Variants in USP40 observed in about 807,000 individuals in gnomAD.
USP40 encodes ubiquitin specific peptidase 40, also known as ubiquitin carboxyl-terminal hydrolase 40.
A neutral mutation model predicts 166.2 loss-of-function variants in USP40; 143 were observed. That is an observed-to-expected ratio of 0.86 (90% CI 0.75 to 0.99). The LOEUF is 0.99. Among genes scored for constraint, USP40 ranks in the 50% least tolerant of loss-of-function variants. USP40 has a pLI of 0.00. For synonymous variants in USP40, 498 were observed against 524.0 expected (o/e 0.95, Z 0.68); for missense variants, 1,444 against 1,479.7 (o/e 0.98, Z 0.40).
In USP40 at chr2:233,486,086, A is replaced by C. The variant is rs2064929854; in HGVS notation, c.3198-109T>G. ...TCCTCCAGCTTTTCTGGTTTTTATAAGGAGAGATTTTTCCCTAAATGCTGG... is the reference window on the plus strand; with the variant it reads ...TCCTCCAGCTTTTCTGGTTTTTATACGGAGAGATTTTTCCCTAAATGCTGG... On this transcript the variant is annotated intron_variant, in intron 28 of 31. Transcript: ENST00000678225. This position sits in a 1 kb window ranked among gnomAD's most constrained non-coding sequence, Gnocchi z 4.0. 4 of 1,249,246 alleles carry C rather than the reference A, an allele frequency of 3.2e-6. No homozygotes were observed. Among genetic ancestry groups the C allele is most frequent in the Non-Finnish European group, 4.4e-6 (4 of 916,446 alleles). 77.4% of individuals were successfully genotyped at this position (1,249,246 alleles called of 1,614,324 possible).
intron 25 of USP40, among the ~76,000 whole-genome samples, chr2:233,492,288 C>CT (rs1335251244): frequency 1.3e-5 from 2 of 152,186 alleles, no homozygotes; most frequent in Non-Finnish European, 1.5e-5. Flanking sequence ...GTAGGAGGCT[C>CT]TACCATCTAG....
At chr2:233,542,407 A>C (rs2069506244) in intron 8 of USP40, 44 bp from the exon 9 acceptor site, 1 of 1,197,526 alleles carries the variant, frequency 8.4e-7, no homozygotes, top group South Asian at 1.4e-5. Flanking sequence ...AACCCCTTAA[A>C]AAGTAACAAA....
intron 25 of USP40, 188 bp from the exon 26 acceptor site, chr2:233,491,449 C>T: frequency 1.7e-6 from 1 of 599,310 alleles, no homozygotes; most frequent in Non-Finnish European, 3.0e-6. Context: ...CGGCAGACTC[C>T]CAAGAGGTCT....
chr2:233,495,585 A>C (rs535175076), intron 24 of USP40, among the ~76,000 whole-genome samples: 1 of 152,136 alleles, frequency 6.6e-6, no homozygotes, highest in Non-Finnish European at 1.5e-5. Context: ...AAACCTATTA[A>C]AATTCTTCAG....
intron 23 of USP40, 43 bp downstream of exon 23, chr2:233,498,505 A>T: frequency 1.3e-6 from 2 of 1,566,944 alleles, no homozygotes; most frequent in Non-Finnish European, 1.7e-6. Context: ...AATATGACAT[A>T]AATGTAATCA....
intron 5 of USP40, 66 bp from the exon 6 acceptor site, chr2:233,554,592 A>G (rs2070881978): frequency 7.8e-7 from 1 of 1,288,614 alleles, no homozygotes. Context: ...TCATCAACTC[A>G]CATATATATT....
chr2:233,488,082 C>T (rs2065063325), intron 28 of USP40, 157 bp downstream of exon 28: 2 of 734,862 alleles, frequency 2.7e-6, no homozygotes, highest in Non-Finnish European at 5.0e-6. Context: ...GATGCCCAGA[C>T]ATACAAACAT....
At chr2:233,515,148 C>T (rs1158276017) in intron 18 of USP40, among the ~76,000 whole-genome samples, 1 of 152,186 alleles carries the variant, frequency 6.6e-6, no homozygotes. Flanking sequence ...ATTTGTTCAT[C>T]CATTCGCCTG....
At chr2:233,547,710 T>C (rs566664708) in intron 8 of USP40, among the ~76,000 whole-genome samples, 1 of 152,316 alleles carries the variant, frequency 6.6e-6, no homozygotes, top group African/African-American at 2.4e-5. Context: ...ATTCTTTTTT[T>C]GAGAAATATT....
rs1440788922 is a variant in USP40, at chr2:233,533,459, G to C, written c.1471+20C>G. 1.3e-6 allele frequency: 2 copies of C among 1,596,644 alleles called. No homozygotes were observed. ...TAAAGCCATTAACTGAAACAAATAG[G>C]AACATTTTTCTTTCCATACCTTCAG... On this transcript the variant is annotated intron_variant, in intron 11 of 31. Transcript: ENST00000678225.
intron 31 of USP40, among the ~76,000 whole-genome samples, chr2:233,478,243 A>G (rs2064309188): frequency 6.6e-6 from 1 of 152,248 alleles, no homozygotes; most frequent in Non-Finnish European, 1.5e-5. Context: ...CAGCAGATGC[A>G]GCAGGAGGTA....
chr2:233,521,140 A>C, intron 16 of USP40, 26 bp from the exon 17 acceptor site: 1 of 1,598,312 alleles, frequency 6.3e-7, no homozygotes, highest in Non-Finnish European at 8.5e-7. Flanking sequence ...AAAGATCAGA[A>C]ATTAATACCT....
Position 233,500,605 on chromosome 2 carries a change from T to C in USP40, c.2614-690A>G, listed in dbSNP as rs113233574. On this transcript the variant is annotated intron_variant, in intron 21 of 31. Coordinates refer to ENST00000678225, the MANE Select transcript of USP40 (RefSeq NM_001365479.2). ...TGTACTGTTTGTAATAAAAGAAAAA[T>C]GGCAAAAAAAACCCCACCAAAATAC... Among the ~76,000 whole-genome samples the C allele has an allele frequency of 7.1e-3, 1,083 of 151,476 alleles. 13 individuals are homozygous for C. Among genetic ancestry groups the C allele is most frequent in the African/African-American group, 0.025 (1,038 of 41,276 alleles).
intron 4 of USP40, among the ~76,000 whole-genome samples, chr2:233,558,001 C>CAAAAAAAA (rs71058563): frequency 7.8e-5 from 4 of 51,350 alleles, no homozygotes; most frequent in East Asian, 5.4e-4. Context: ...GACCTCATCT[C>CAAAAAAAA]AAAAAAAAAA....
Position 233,524,526 on chromosome 2 carries a change from T to C in USP40, c.1847A>G (p.Asp616Gly). Reference sequence around the variant, plus strand: ...ATTCCACACAAAGATGTCTTCCCCATCAGCAATTTCAGTTTCACACAGTGT... The same window carrying C: ...ATTCCACACAAAGATGTCTTCCCCACCAGCAATTTCAGTTTCACACAGTGT... ...ELTLCETEIA[D>G]GEDIFVWNGV... The change falls in exon 15 of 32, where the codon GAT becomes GGT. Residue 616 changes from aspartate (D) to glycine (G), a missense_variant. Asp to Gly is a moderately conservative substitution (Grantham distance 94, BLOSUM62 -1). Transcript: ENST00000678225. 1.2e-6 allele frequency: 2 copies of C among 1,607,032 alleles called. No individual in the cohort carries two copies. The highest frequency in any genetic ancestry group is 8.5e-7 in the Non-Finnish European group (1 of 1,177,290).
chr2:233,483,034 C>G (rs1348637692), intron 30 of USP40, among the ~76,000 whole-genome samples: 1 of 152,226 alleles, frequency 6.6e-6, no homozygotes, highest in African/African-American at 2.4e-5. Context: ...GATCTGCTGT[C>G]TATGCTGGAG....
chr2:233,554,032 T>C (rs1559282163), intron 6 of USP40, among the ~76,000 whole-genome samples: 1 of 152,182 alleles, frequency 6.6e-6, no homozygotes, highest in Non-Finnish European at 1.5e-5. Flanking sequence ...AAGACAGCCA[T>C]CTACTTTCAT....
intron 8 of USP40, among the ~76,000 whole-genome samples, chr2:233,543,922 A>G (rs2069660798): frequency 6.6e-6 from 1 of 152,198 alleles, no homozygotes; most frequent in South Asian, 2.1e-4. Context: ...GAGTCGAGGG[A>G]CTGGTCTTTC....
At chr2:233,525,256 T>C (rs1411619221) in intron 14 of USP40, among the ~76,000 whole-genome samples, 1 of 152,146 alleles carries the variant, frequency 6.6e-6, no homozygotes, top group African/African-American at 2.4e-5. Flanking sequence ...TCAGAAAAAA[T>C]AAAATGTTTC....
Sources: gnomAD v4.1 joint callset for allele counts (sites outside exome capture counted in the v4.1 genomes callset) on GRCh38, gnomAD v4.1.1 for gene constraint, Gnocchi (gnomAD v3.1) non-coding constraint, MANE v1.5 for transcripts, NCBI Gene and HGNC (gene_info 2026-07-23, HGNC 2026-07-21) for gene names.